Variants in ZNF704 observed in about 807,000 individuals in gnomAD.
ZNF704 encodes the protein zinc finger protein 704.
Under a neutral mutation model 44.7 loss-of-function variants are expected in ZNF704, and 10 were observed. The ratio of observed to expected loss-of-function variants is 0.22; its 90% CI spans 0.14 to 0.38. ZNF704 has a LOEUF of 0.38. Among genes scored for constraint, ZNF704 ranks in the 10% least tolerant of loss-of-function variants. The pLI, the probability that ZNF704 is intolerant of heterozygous loss-of-function variation, is 1.00. For missense variants in ZNF704, 390 were observed against 545.5 expected, an observed-to-expected ratio of 0.71 and a Z score of 2.84; for synonymous variants, 211 against 207.6, an observed-to-expected ratio of 1.02 and a Z score of -0.14.
intron 2 of ZNF704, among the ~76,000 whole-genome samples, chr8:80,729,617 G>A (rs1462456844): frequency 2.0e-5 from 3 of 152,092 alleles, no homozygotes; most frequent in African/African-American, 7.2e-5. Flanking sequence ...ATTTTTTGAA[G>A]TTTTTTCACC....
chr8:80,796,889 GGAAAGGGAAAGA>G (rs1447111662), intron 2 of ZNF704, among the ~76,000 whole-genome samples: 3 of 141,120 alleles, frequency 2.1e-5, no homozygotes, highest in African/African-American at 2.6e-5. Flanking sequence ...AGAGGGAAAT[GGAAAGGGAAAGA>G]GAAAGGGAAA....
intron 2 of ZNF704, among the ~76,000 whole-genome samples, chr8:80,788,434 C>A (rs1246228134): frequency 1.3e-5 from 2 of 152,140 alleles, no homozygotes; most frequent in Non-Finnish European, 2.9e-5. Context: ...GCAATAGTTG[C>A]AGCTAAAAAA....
chr8:80,666,933 G>A (rs1224473566), intron 5 of ZNF704, among the ~76,000 whole-genome samples: 1 of 151,906 alleles, frequency 6.6e-6, no homozygotes, highest in Non-Finnish European at 1.5e-5. Context: ...CACTCTGATG[G>A]TAGTTTCTTT....
At chr8:80,753,834 A>C (rs1323216538) in intron 2 of ZNF704, among the ~76,000 whole-genome samples, 1 of 152,150 alleles carries the variant, frequency 6.6e-6, no homozygotes, top group Admixed American at 6.5e-5. Flanking sequence ...TGATGGAAAA[A>C]ATATGCAGTG....
At chr8:80,851,220 C>T (rs1030232349) in intron 1 of ZNF704, among the ~76,000 whole-genome samples, 22 of 152,018 alleles carry the variant, frequency 1.4e-4, no homozygotes, top group Admixed American at 1.2e-3. Context: ...CCCATTACTG[C>T]GTATATACCC....
intron 2 of ZNF704, among the ~76,000 whole-genome samples, chr8:80,800,984 A>T (rs1807889744): frequency 6.6e-6 from 1 of 152,190 alleles, no homozygotes; most frequent in African/African-American, 2.4e-5. Context: ...AAGCAAATGG[A>T]ACACAGAAAA....
chr8:80,693,161 C>T, intron 2 of ZNF704, 54 bp from the exon 3 acceptor site: 1 of 1,494,462 alleles, frequency 6.7e-7, no homozygotes, highest in East Asian at 2.3e-5. Flanking sequence ...TGCTGTGGGC[C>T]ACACAAGGTG....
chr8:80,704,699 C>G (rs572862820), intron 2 of ZNF704, among the ~76,000 whole-genome samples: 1 of 152,338 alleles, frequency 6.6e-6, no homozygotes, highest in East Asian at 1.9e-4. Flanking sequence ...GTTTGGAGAG[C>G]TTCCAGACAG....
At chr8:80,671,111 A>G (rs1450450755) in intron 4 of ZNF704, among the ~76,000 whole-genome samples, 2 of 152,158 alleles carry the variant, frequency 1.3e-5, no homozygotes, top group African/African-American at 4.8e-5. Context: ...CACCTCTTCA[A>G]CAAGGGTCAC....
chr8:80,878,050 G>A (rs1445999478), upstream of ZNF704, among the ~76,000 whole-genome samples: 4 of 152,100 alleles, frequency 2.6e-5, no homozygotes, highest in Non-Finnish European at 5.9e-5. Flanking sequence ...CCTACTGTCC[G>A]CGTGCTTTGG....
At chr8:80,826,029 G>C (rs953947254) in intron 1 of ZNF704, among the ~76,000 whole-genome samples, 3 of 151,996 alleles carry the variant, frequency 2.0e-5, no homozygotes, top group African/African-American at 7.3e-5. Flanking sequence ...AGAGAAGCAA[G>C]AGCAAACACA....
At chr8:80,743,601 G>T (rs1049779476) in intron 2 of ZNF704, among the ~76,000 whole-genome samples, 1 of 152,186 alleles carries the variant, frequency 6.6e-6, no homozygotes, top group African/African-American at 2.4e-5. Flanking sequence ...CTCCATTCTC[G>T]CTGATCTGGA....
intron 4 of ZNF704, among the ~76,000 whole-genome samples, chr8:80,678,327 C>T (rs1446023268): frequency 2.0e-5 from 3 of 148,104 alleles, no homozygotes; most frequent in African/African-American, 8.0e-5. Flanking sequence ...GCTTTCTCCT[C>T]GACCTCTTCC....
At chr8:80,718,483 C>T (rs1210494747) in intron 2 of ZNF704, among the ~76,000 whole-genome samples, 2 of 152,100 alleles carry the variant, frequency 1.3e-5, no homozygotes, top group Non-Finnish European at 2.9e-5. Flanking sequence ...TGCTTCAGCC[C>T]GTAAAATTGG....
chr8:80,859,988 A>G (rs1809031510), intron 1 of ZNF704, among the ~76,000 whole-genome samples: 2 of 152,100 alleles, frequency 1.3e-5, no homozygotes, highest in Admixed American at 1.3e-4. Flanking sequence ...GGCTAAGGCT[A>G]CCCTACACGT....
Position 80,659,603 on chromosome 8 carries a change from G to C in ZNF704, c.1014C>G (p.Val338=). 1 of 1,613,912 alleles carries C rather than the reference G, an allele frequency of 6.2e-7. No homozygotes were observed. The highest frequency in any genetic ancestry group is 1.1e-5 in the South Asian group (1 of 91,038). The change falls in exon 7 of 9, where the codon GTC becomes GTG. Residue 338 remains valine (V), a synonymous_variant. Transcript: ENST00000327835. ...SFSISWQSPP[V]TFTGIPVSPT... Reference sequence around the variant, plus strand: ...TACTTACTGGGATGCCTGTGAAAGTGACCGGAGGAGATTGCCAGGAAATGC... The same window carrying C: ...TACTTACTGGGATGCCTGTGAAAGTCACCGGAGGAGATTGCCAGGAAATGC...
At chr8:80,692,186 C>T (rs1387477330) in intron 3 of ZNF704, among the ~76,000 whole-genome samples, 2 of 152,148 alleles carry the variant, frequency 1.3e-5, no homozygotes, top group African/African-American at 2.4e-5. Flanking sequence ...TACTGCCTGA[C>T]CTCCTTATTT....
chr8:80,782,842 CTA>C (rs1397661452), intron 2 of ZNF704, among the ~76,000 whole-genome samples: 2 of 151,974 alleles, frequency 1.3e-5, no homozygotes, highest in South Asian at 2.1e-4. Context: ...TGTCGTCCCT[CTA>C]TGTGGGTTTT....
intron 2 of ZNF704, among the ~76,000 whole-genome samples, chr8:80,811,990 T>C (rs761580775): frequency 2.0e-5 from 3 of 152,180 alleles, no homozygotes; most frequent in Non-Finnish European, 2.9e-5. Flanking sequence ...AAATGATAAA[T>C]GTAATGCACT....
Sources: gnomAD v4.1 joint callset for allele counts (sites outside exome capture counted in the v4.1 genomes callset) on GRCh38, gnomAD v4.1.1 for gene constraint, MANE v1.5 for transcripts, NCBI Gene and HGNC (gene_info 2026-07-23, HGNC 2026-07-21) for gene names.